TRPC7: variants seen among roughly 807,000 people sequenced by gnomAD.
TRPC7 encodes transient receptor potential cation channel subfamily C member 7, also known as short transient receptor potential channel 7.
In TRPC7, 42 loss-of-function variants were observed where a neutral mutation model predicts 90.1. That is an observed-to-expected ratio of 0.47 (90% CI 0.36 to 0.60). The LOEUF (loss-of-function observed/expected upper bound fraction) is 0.60, where lower values mean the gene tolerates loss of function less well. Among genes scored for constraint, TRPC7 ranks in the 20% least tolerant of loss-of-function variants. TRPC7 has a pLI of 0.00. For missense variants in TRPC7, 955 were observed against 1,112.3 expected, an observed-to-expected ratio of 0.86 and a Z score of 2.01; for synonymous variants, 451 against 436.3, an observed-to-expected ratio of 1.03 and a Z score of -0.42.
chr5:136,225,922 T>C (rs1755611876), intron 9 of TRPC7, 112 bp downstream of exon 9: 2 of 874,648 alleles, frequency 2.3e-6, no homozygotes, highest in Non-Finnish European at 3.5e-6. Flanking sequence ...TCCCAGCTCC[T>C]GGCTCCCCTT....
chr5:136,279,474 C>T (rs1465117779), intron 3 of TRPC7, among the ~76,000 whole-genome samples: 4 of 152,130 alleles, frequency 2.6e-5, no homozygotes, highest in African/African-American at 7.2e-5. Context: ...GAAGCATTTT[C>T]CCCCAGTCAC....
At chr5:136,298,095 A>G (rs1758244737) in intron 3 of TRPC7, among the ~76,000 whole-genome samples, 1 of 152,218 alleles carries the variant, frequency 6.6e-6, no homozygotes, top group Non-Finnish European at 1.5e-5. Flanking sequence ...CAGACAATAA[A>G]CAAGTAAACA....
chr5:136,217,403 T>C (rs1755303841), intron 10 of TRPC7, among the ~76,000 whole-genome samples: 1 of 152,244 alleles, frequency 6.6e-6, no homozygotes, highest in Non-Finnish European at 1.5e-5. Flanking sequence ...CCTTTAACCA[T>C]GAAGAGCTTG....
chr5:136,352,576 T>C (rs781104249), intron 2 of TRPC7, among the ~76,000 whole-genome samples: 1 of 152,100 alleles, frequency 6.6e-6, no homozygotes, highest in Non-Finnish European at 1.5e-5. Flanking sequence ...AATTTTTTAT[T>C]TTTCCTGGCT....
At position 136,365,355 on chromosome 5, in the gene TRPC7, C is replaced by A; in HGVS notation, c.-101G>T. 8.1e-7 allele frequency: 1 copy of A among 1,240,992 alleles called. No homozygotes were observed. The highest frequency in any genetic ancestry group is 1.1e-6 in the Non-Finnish European group (1 of 877,342). The allele number at this position is 1,240,992 out of a possible 1,614,324, so 76.9% of individuals were successfully genotyped here. Reference sequence around the variant, plus strand: ...CCATGGGTGGTAGCCAAGGATGTACCGCTCTCCGTGGTGCTGAAGTATAGA... The same window carrying A: ...CCATGGGTGGTAGCCAAGGATGTACAGCTCTCCGTGGTGCTGAAGTATAGA... On this transcript the variant is annotated 5_prime_UTR_variant, in exon 1 of 12. Coordinates refer to ENST00000513104, the MANE Select transcript of TRPC7 (RefSeq NM_020389.3).
At position 136,268,693 on chromosome 5, in the gene TRPC7, A is replaced by G. The variant is rs997470409; in HGVS notation, c.1129-2257T>C. 3.9e-5 allele frequency among the ~76,000 whole-genome samples: 6 copies of G among 152,224 alleles called. No individual in the cohort carries two copies. The South Asian group carries it at 1.2e-3, about 32-fold the overall frequency. Reference sequence around the variant, plus strand: ...AGAAGATGAATCTGCAAAACTTATTATATTTACTATAAACCATAATAAAAA... The same window carrying G: ...AGAAGATGAATCTGCAAAACTTATTGTATTTACTATAAACCATAATAAAAA... On this transcript the variant is annotated intron_variant, in intron 4 of 11. Transcript: ENST00000513104.
rs1320692461 is a variant in TRPC7 at position 136,225,167 on chromosome 5, G to A, written c.2343+107C>T. ...AATAAATATTTGTACAATAAAGGAA[G>A]GAATGAAGCTGTGTTCTCGGGGGAT... On this transcript the variant is annotated intron_variant, in intron 10 of 11. Coordinates refer to ENST00000513104, the MANE Select transcript of TRPC7 (RefSeq NM_020389.3). 4.3e-6 allele frequency: 4 copies of A among 937,432 alleles called. No individual in the cohort carries two copies. In the South Asian group the frequency reaches 6.5e-5, roughly 15 times the overall value. 58.1% of individuals were successfully genotyped at this position (937,432 alleles called of 1,614,324 possible). A position where few individuals can be genotyped will look rare whatever the true frequency, so the allele number is the denominator to read the frequency against.
chr5:136,230,162 C>T (rs947531505), intron 8 of TRPC7, among the ~76,000 whole-genome samples: 5 of 152,116 alleles, frequency 3.3e-5, no homozygotes, highest in South Asian at 2.1e-4. Flanking sequence ...CGAACATCTA[C>T]GTAAAATGAT....
intron 3 of TRPC7, among the ~76,000 whole-genome samples, chr5:136,295,656 C>T (rs1468650895): frequency 6.6e-6 from 1 of 152,166 alleles, no homozygotes; most frequent in Non-Finnish European, 1.5e-5. Context: ...CAGTTCCCTC[C>T]CTCATCTAAA....
intron 8 of TRPC7, 109 bp downstream of exon 8, chr5:136,231,245 G>T: frequency 1.0e-6 from 1 of 998,852 alleles, no homozygotes; most frequent in Non-Finnish European, 1.4e-6. Context: ...TGCTGTTCTG[G>T]CTGCACATTT....
At chr5:136,353,657 C>T (rs751281537) in intron 2 of TRPC7, among the ~76,000 whole-genome samples, 8 of 152,136 alleles carry the variant, frequency 5.3e-5, no homozygotes, top group Non-Finnish European at 7.3e-5. Flanking sequence ...TAATAAAGTT[C>T]TAAAGGAACA....
intron 2 of TRPC7, among the ~76,000 whole-genome samples, chr5:136,317,672 A>G (rs1759063417): frequency 6.6e-6 from 1 of 152,186 alleles, no homozygotes; most frequent in Non-Finnish European, 1.5e-5. Context: ...GAGAACAAGG[A>G]ATCTCTGGAT....
At chr5:136,252,965 A>G (rs548414763) in intron 5 of TRPC7, among the ~76,000 whole-genome samples, 1 of 152,342 alleles carries the variant, frequency 6.6e-6, no homozygotes, top group South Asian at 2.1e-4. Flanking sequence ...CTAGACCTGT[A>G]CTGTCCAATA....
At chr5:136,358,242 A>T (rs1760453328) in intron 1 of TRPC7, among the ~76,000 whole-genome samples, 1 of 152,160 alleles carries the variant, frequency 6.6e-6, no homozygotes, top group African/African-American at 2.4e-5. Flanking sequence ...TTCTATATGG[A>T]TGGAAGAAAT....
At chr5:136,296,866 T>A (rs1758192658) in intron 3 of TRPC7, among the ~76,000 whole-genome samples, 1 of 152,232 alleles carries the variant, frequency 6.6e-6, no homozygotes, top group African/African-American at 2.4e-5. Context: ...GGAATGGAGC[T>A]GAGCCCTTTG....
chr5:136,219,310 C>G (rs1480042392), intron 10 of TRPC7, among the ~76,000 whole-genome samples: 2 of 152,206 alleles, frequency 1.3e-5, no homozygotes, highest in African/African-American at 4.8e-5. Flanking sequence ...CTTTGAAGCT[C>G]TCAGTATGCA....
Position 136,231,367 on chromosome 5 carries a change from T to A in TRPC7, c.2027A>T (p.Tyr676Phe). ...NMLIAMINNS[Y>F]QEIEEDADVE... ...ACCTGGCCTTACCTCAATTTCCTGA[T>A]AGGAGTTGTTTATCATGGCTATTAG... is the stretch of plus-strand genomic sequence containing the variant. The change falls in exon 8 of 12, where the codon TAT becomes TTT. Residue 676 changes from tyrosine to phenylalanine, a missense_variant. Tyr to Phe is a conservative substitution (Grantham distance 22, BLOSUM62 3). Coordinates refer to ENST00000513104, the MANE Select transcript of TRPC7 (RefSeq NM_020389.3). 6.3e-7 allele frequency: 1 copy of A among 1,594,390 alleles called. No individual in the cohort carries two copies. Among genetic ancestry groups the A allele is most frequent in the South Asian group, 1.1e-5 (1 of 89,456 alleles).
At chr5:136,250,673 A>T (rs1214519650) in intron 6 of TRPC7, among the ~76,000 whole-genome samples, 2 of 152,210 alleles carry the variant, frequency 1.3e-5, no homozygotes, top group Non-Finnish European at 2.9e-5. Flanking sequence ...CAGAGTGCAA[A>T]GCGCTTCACA....
chr5:136,314,554 T>G (rs536547756), intron 3 of TRPC7, among the ~76,000 whole-genome samples: 1 of 152,320 alleles, frequency 6.6e-6, no homozygotes, highest in Non-Finnish European at 1.5e-5. Flanking sequence ...TTCTTAAAAT[T>G]TGTGATTATT....
Sources: gnomAD v4.1 joint callset for allele counts (sites outside exome capture counted in the v4.1 genomes callset) on GRCh38, gnomAD v4.1.1 for gene constraint, MANE v1.5 for transcripts, NCBI Gene and HGNC (gene_info 2026-07-23, HGNC 2026-07-21) for gene names.